Variants in SPIRE2 observed in about 807,000 individuals in gnomAD.
SPIRE2 encodes spire type actin nucleation factor 2, also known as protein spire homolog 2.
In SPIRE2, 76 loss-of-function variants were observed where a neutral mutation model predicts 80.7. The observed-to-expected ratio is 0.94, with a 90% confidence interval of 0.78 to 1.14. SPIRE2 has a LOEUF of 1.14. Among genes scored for constraint, SPIRE2 ranks in the 50% most tolerant of loss-of-function variants. The probability of loss-of-function intolerance (pLI) is 0.00; values close to 1 mark genes in which losing one functional copy is unlikely to be tolerated. For missense variants in SPIRE2, 1,196 were observed against 1,015.3 expected, an observed-to-expected ratio of 1.18 and a Z score of -2.42; for synonymous variants, 535 against 432.6, an observed-to-expected ratio of 1.24 and a Z score of -2.94.
Position 89,850,378 on chromosome 16 carries a change from C to T in SPIRE2, c.363C>T (p.Leu121=). The change falls in exon 3 of 15, where the codon CTC becomes CTT. Residue 121 remains leucine (L), a synonymous_variant. Transcript: ENST00000378247. ...TGGACGAGAGCGAGGAGCGCGAACT[C>T]AGCCCTCAGCTGGAGCGGCTCATCG... The part of the protein sequence containing the change: ...WGLDESEERE[L]SPQLERLIDL... 1.9e-6 allele frequency: 3 copies of T among 1,599,496 alleles called. No homozygotes were observed. Among genetic ancestry groups the T allele is most frequent in the South Asian group, 1.1e-5 (1 of 89,026 alleles).
At chr16:89,830,355 C>T (rs1199916245) in intron 1 of SPIRE2, among the ~76,000 whole-genome samples, 1 of 151,182 alleles carries the variant, frequency 6.6e-6, no homozygotes, top group Non-Finnish European at 1.5e-5. Flanking sequence ...TATTTGATAA[C>T]GATCTTTGTT....
intron 3 of SPIRE2, among the ~76,000 whole-genome samples, 167 bp downstream of exon 3, chr16:89,850,827 G>T (rs11644935): frequency 0.12 from 18,648 of 151,502 alleles, 1,364 homozygotes; most frequent in East Asian, 0.23. Context: ...CTTTCTTGTT[G>T]TTTTTTTGTT....
chr16:89,844,955 C>T (rs765659587), intron 1 of SPIRE2, among the ~76,000 whole-genome samples: 2 of 152,204 alleles, frequency 1.3e-5, no homozygotes, highest in Non-Finnish European at 2.9e-5. Flanking sequence ...CTGCAGTGCC[C>T]GGGACAGACT....
chr16:89,838,841 C>G (rs1308846208), intron 1 of SPIRE2, among the ~76,000 whole-genome samples: 3 of 152,096 alleles, frequency 2.0e-5, no homozygotes, highest in East Asian at 1.9e-4. Flanking sequence ...CAGTGTGGGT[C>G]TTGGGTTTTC....
intron 12 of SPIRE2, among the ~76,000 whole-genome samples, chr16:89,865,350 A>G (rs892438471): frequency 2.0e-5 from 3 of 152,182 alleles, no homozygotes; most frequent in Non-Finnish European, 2.9e-5. Flanking sequence ...GTGAATCACT[A>G]TGATAAGGTA....
intron 1 of SPIRE2, among the ~76,000 whole-genome samples, chr16:89,831,180 A>T (rs974756811): frequency 1.3e-5 from 2 of 150,328 alleles, no homozygotes; most frequent in African/African-American, 2.4e-5. Context: ...AAGTGCTGGG[A>T]TTACAGGCGT....
chr16:89,855,807 C>A (rs1395116806), intron 6 of SPIRE2, 121 bp downstream of exon 6: 11 of 1,051,152 alleles, frequency 1.0e-5, no homozygotes, highest in Non-Finnish European at 1.5e-5. Context: ...CCCAGTGCGT[C>A]TGCGTCACGG....
chr16:89,855,555 G>A (rs961565961), intron 5 of SPIRE2, 45 bp from the exon 6 acceptor site: 1 of 1,571,736 alleles, frequency 6.4e-7, no homozygotes, highest in African/African-American at 1.3e-5. Flanking sequence ...CCCTGCACTA[G>A]TGGATGGTCC....
intron 12 of SPIRE2, among the ~76,000 whole-genome samples, chr16:89,866,699 C>G (rs2041792300): frequency 6.6e-6 from 1 of 151,686 alleles, no homozygotes; most frequent in South Asian, 2.1e-4. Context: ...AGCTCCACCT[C>G]CCGGGTTCAC....
chr16:89,829,721 CT>C (rs1362633071), intron 1 of SPIRE2, among the ~76,000 whole-genome samples: 3 of 151,706 alleles, frequency 2.0e-5, no homozygotes, highest in South Asian at 2.1e-4. Context: ...GAGCCCCCCC[CT>C]CAGCTGCCTC....
chr16:89,848,613 G>A (rs1303614239), intron 2 of SPIRE2, among the ~76,000 whole-genome samples: 1 of 150,906 alleles, frequency 6.6e-6, no homozygotes, highest in South Asian at 2.1e-4. Flanking sequence ...AGGGCCTTCT[G>A]CGGCGTTTCT....
chr16:89,848,282 C>G (rs1349914505), intron 2 of SPIRE2, among the ~76,000 whole-genome samples: 4 of 152,236 alleles, frequency 2.6e-5, no homozygotes, highest in Non-Finnish European at 5.9e-5. Flanking sequence ...GGCTGTTAGG[C>G]CTTGGCTGCT....
intron 9 of SPIRE2, among the ~76,000 whole-genome samples, chr16:89,860,317 G>A (rs548576633): frequency 1.3e-5 from 2 of 152,284 alleles, no homozygotes; most frequent in East Asian, 3.9e-4. Context: ...GGAGTGCAGA[G>A]GTACCATTAT....
At position 89,831,339 on chromosome 16, in the gene SPIRE2, C is replaced by T. The variant is rs1481709673; in HGVS notation, c.244+2545C>T. On this transcript the variant is annotated intron_variant, in intron 1 of 14. Coordinates refer to ENST00000378247, the MANE Select transcript of SPIRE2 (RefSeq NM_032451.2). ...CCCTGATTGGCTACTTTACACGTGACCCTATTTTTTGAATGTTTTTTCTTG... is the reference window on the plus strand; with the variant it reads ...CCCTGATTGGCTACTTTACACGTGATCCTATTTTTTGAATGTTTTTTCTTG... Among the ~76,000 whole-genome samples the T allele has an allele frequency of 2.0e-5, 3 of 150,462 alleles. 1 individual carries two copies. The highest frequency in any genetic ancestry group is 3.0e-5 in the Non-Finnish European group (2 of 67,130).
At chr16:89,862,578 G>C (rs1483890916) in intron 10 of SPIRE2, 3 of 152,286 alleles carry the variant, frequency 2.0e-5, no homozygotes, top group Non-Finnish European at 4.4e-5. Context: ...CGTCACACCT[G>C]TGGCACCTGA....
Position 89,859,431 on chromosome 16 carries a change from C to A in SPIRE2, c.1462+77C>A, listed in dbSNP as rs576983033. 170 of 928,228 alleles carry A rather than the reference C, an allele frequency of 1.8e-4. 1 individual carries two copies. The African/African-American group carries it at 1.9e-3, about 10-fold the overall frequency. 57.5% of individuals were successfully genotyped at this position (928,228 alleles called of 1,614,324 possible). On this transcript the variant is annotated intron_variant, in intron 9 of 14. Coordinates refer to ENST00000378247, the MANE Select transcript of SPIRE2 (RefSeq NM_032451.2). ...TCCTGTGGGCACCATCCCTCCACCT[C>A]AGCCCACATCTTCCTGAGCAGGCAG... is the stretch of plus-strand genomic sequence containing the variant.
intron 1 of SPIRE2, among the ~76,000 whole-genome samples, chr16:89,839,946 G>A (rs1336225978): frequency 6.6e-6 from 1 of 152,242 alleles, no homozygotes; most frequent in Admixed American, 6.5e-5. Flanking sequence ...GTTATTCGAG[G>A]TAACGCCATG....
intron 1 of SPIRE2, among the ~76,000 whole-genome samples, chr16:89,841,515 G>T (rs1186037083): frequency 6.6e-6 from 1 of 152,132 alleles, no homozygotes; most frequent in Non-Finnish European, 1.5e-5. Flanking sequence ...ACTTATACCT[G>T]GGTGTTCGGC....
chr16:89,836,558 G>A (rs1004813044), intron 1 of SPIRE2: 4 of 204,980 alleles, frequency 2.0e-5, no homozygotes, highest in Admixed American at 1.0e-4. Context: ...AGACACCAAC[G>A]TTTGTTTATA....
Sources: gnomAD v4.1 joint callset for allele counts (sites outside exome capture counted in the v4.1 genomes callset) on GRCh38, gnomAD v4.1.1 for gene constraint, MANE v1.5 for transcripts, NCBI Gene and HGNC (gene_info 2026-07-23, HGNC 2026-07-21) for gene names.